The following TMEM135 variants were observed in gnomAD, a reference collection of about 807,000 sequenced individuals.
TMEM135 encodes the protein transmembrane protein 135.
Under a neutral mutation model 60.3 loss-of-function variants are expected in TMEM135, and 30 were observed. The observed-to-expected ratio is 0.50, with a 90% confidence interval of 0.37 to 0.68. The LOEUF (loss-of-function observed/expected upper bound fraction) is 0.68, where lower values mean the gene tolerates loss of function less well. TMEM135 is among the 30% of genes least tolerant of loss of function. TMEM135 has a pLI of 0.00. For missense variants in TMEM135, 468 were observed against 548.8 expected, an observed-to-expected ratio of 0.85 and a Z score of 1.47; for synonymous variants, 190 against 186.7, an observed-to-expected ratio of 1.02 and a Z score of -0.14.
At chr11:87,144,626 C>T (rs1218927812) in intron 4 of TMEM135, among the ~76,000 whole-genome samples, 1 of 151,866 alleles carries the variant, frequency 6.6e-6, no homozygotes, top group Non-Finnish European at 1.5e-5. Flanking sequence ...GAAAGTATTA[C>T]CTTTAATCTT....
intron 6 of TMEM135, among the ~76,000 whole-genome samples, chr11:87,245,061 C>G (rs145176984): frequency 0.53 from 67,388 of 127,320 alleles, 18,812 homozygotes; most frequent in African/African-American, 0.59. Flanking sequence ...TCTTTGTTCT[C>G]CTTGGTTTCA....
At chr11:87,295,882 A>G (rs1942339469) in intron 7 of TMEM135, 59 bp downstream of exon 7, 1 of 1,360,210 alleles carries the variant, frequency 7.4e-7, no homozygotes, top group Non-Finnish European at 1.0e-6. Flanking sequence ...AAAAAATTAT[A>G]CATAATTACA....
At chr11:87,170,407 C>T (rs1399734369) in intron 5 of TMEM135, among the ~76,000 whole-genome samples, 2 of 152,078 alleles carry the variant, frequency 1.3e-5, no homozygotes, top group Admixed American at 1.3e-4. Context: ...CTGGTTTTTC[C>T]TTATCTTTGT....
Position 87,195,311 on chromosome 11 carries a change from CTCTT to C in TMEM135, c.462+37908_462+37911del, listed in dbSNP as rs1220658089. ...TGAAAAAGTCATTTTCTCTTTCTTT[CTCTT>C]TCCTTCCTTCCTTCCTTCCTTCCTT... On this transcript the variant is annotated intron_variant, in intron 5 of 14. Transcript: ENST00000305494. Among the ~76,000 whole-genome samples, 1,063 of 138,000 alleles carry C rather than the reference CTCTT, an allele frequency of 7.7e-3. 63 individuals carry two copies. Among genetic ancestry groups the C allele is most frequent in the African/African-American group, 0.02 (715 of 35,324 alleles). The allele number at this position is 138,000 out of a possible 152,430, so 90.5% of individuals were successfully genotyped here. A position where few individuals can be genotyped will look rare whatever the true frequency, so the allele number is the denominator to read the frequency against.
intron 5 of TMEM135, among the ~76,000 whole-genome samples, chr11:87,198,218 T>C (rs1940003892): frequency 6.6e-6 from 1 of 152,196 alleles, no homozygotes; most frequent in African/African-American, 2.4e-5. Flanking sequence ...ATTAAAGTTT[T>C]TTAGTTCCCA....
intron 6 of TMEM135, among the ~76,000 whole-genome samples, chr11:87,280,446 T>C (rs1453479322): frequency 6.6e-6 from 1 of 152,228 alleles, no homozygotes; most frequent in East Asian, 1.9e-4. Context: ...TGTCTCTGTG[T>C]TACAGTCATA....
At chr11:87,231,698 A>G (rs1040306489) in intron 5 of TMEM135, among the ~76,000 whole-genome samples, 3 of 152,182 alleles carry the variant, frequency 2.0e-5, no homozygotes, top group Non-Finnish European at 4.4e-5. Context: ...GAGAACTTAT[A>G]AATATGTTAA....
At chr11:87,148,355 G>T (rs1044673767) in intron 4 of TMEM135, among the ~76,000 whole-genome samples, 6 of 152,196 alleles carry the variant, frequency 3.9e-5, no homozygotes, top group Admixed American at 2.0e-4. Flanking sequence ...AGGAAGCTTA[G>T]CTGAATTGGC....
intron 5 of TMEM135, among the ~76,000 whole-genome samples, chr11:87,201,911 A>G (rs1183412366): frequency 6.6e-6 from 1 of 151,882 alleles, no homozygotes; most frequent in Non-Finnish European, 1.5e-5. Context: ...TTAAACACAC[A>G]CACATACACA....
At chr11:87,292,710 A>G (rs1056403100) in intron 6 of TMEM135, among the ~76,000 whole-genome samples, 2 of 152,184 alleles carry the variant, frequency 1.3e-5, no homozygotes, top group Non-Finnish European at 2.9e-5. Context: ...TCTGACCCTC[A>G]ATTACATTAA....
chr11:87,149,581 A>G (rs1277249422), intron 4 of TMEM135, among the ~76,000 whole-genome samples: 2 of 152,148 alleles, frequency 1.3e-5, no homozygotes, highest in African/African-American at 4.8e-5. Context: ...AGTCATAGCC[A>G]TTTTCCTTCT....
chr11:87,315,786 A>G (rs1370600889), intron 12 of TMEM135, among the ~76,000 whole-genome samples: 1 of 152,100 alleles, frequency 6.6e-6, no homozygotes, highest in East Asian at 1.9e-4. Context: ...GCATCCTGCA[A>G]AGTTGACCCA....
chr11:87,322,705 C>T lies in TMEM135; in HGVS notation c.*1372C>T, dbSNP rs1208910373. The T allele has an allele frequency of 1.3e-5, 6 of 453,884 alleles. No homozygotes were observed. The allele number at this position is 453,884 out of a possible 1,614,324, so 28.1% of individuals were successfully genotyped here. On this transcript the variant is annotated 3_prime_UTR_variant, in exon 15 of 15. Coordinates refer to ENST00000305494, the MANE Select transcript of TMEM135 (RefSeq NM_022918.4). ...CATACTTTAAAAATGCTTAATCCCT[C>T]ATATTCAATTTCATCAAGCCTTGTA...
chr11:87,217,656 A>G (rs1421283715), intron 5 of TMEM135, among the ~76,000 whole-genome samples: 2 of 152,056 alleles, frequency 1.3e-5, no homozygotes, highest in African/African-American at 4.8e-5. Flanking sequence ...GTGGCGGCTC[A>G]TGCCTGTAAT....
At chr11:87,058,580 C>A (rs1438405173) in intron 1 of TMEM135, among the ~76,000 whole-genome samples, 1 of 152,046 alleles carries the variant, frequency 6.6e-6, no homozygotes, top group Non-Finnish European at 1.5e-5. Flanking sequence ...ATCCACCCGC[C>A]TTGGCCTATG....
intron 1 of TMEM135, among the ~76,000 whole-genome samples, chr11:87,041,434 G>A (rs1304605262): frequency 6.6e-6 from 1 of 152,120 alleles, no homozygotes; most frequent in East Asian, 1.9e-4. Flanking sequence ...GGGAAGACCG[G>A]ATAGAAAAGA....
At position 87,236,702 on chromosome 11, in the gene TMEM135, T is replaced by G. The variant is rs376499772; in HGVS notation, c.509+18T>G. ...TTTTTCAGGTATGTTCTGTTATACTTATTTACTTTAATACCCCAAACAGTA... is the reference window on the plus strand; with the variant it reads ...TTTTTCAGGTATGTTCTGTTATACTGATTTACTTTAATACCCCAAACAGTA... On this transcript the variant is annotated intron_variant, in intron 6 of 14. Coordinates refer to ENST00000305494, the MANE Select transcript of TMEM135 (RefSeq NM_022918.4). The G allele has an allele frequency of 1.2e-6, 2 of 1,606,922 alleles. No homozygotes were observed. Among genetic ancestry groups the G allele is most frequent in the African/African-American group, 2.7e-5 (2 of 74,696 alleles).
intron 4 of TMEM135, among the ~76,000 whole-genome samples, chr11:87,129,213 A>ATTTTTTTTTTTTTTTTT (rs71040295): frequency 4.3e-5 from 5 of 116,264 alleles, no homozygotes; most frequent in Admixed American, 1.6e-4. Context: ...TTATTCCTTA[A>ATTTTTTTTTTTTTTTTT]TTTTTTTTTT....
At chr11:87,210,294 A>T (rs1309312246) in intron 5 of TMEM135, among the ~76,000 whole-genome samples, 1 of 152,198 alleles carries the variant, frequency 6.6e-6, no homozygotes, top group Non-Finnish European at 1.5e-5. Flanking sequence ...AACAAAAAGA[A>T]GATCCAAATA....
Sources: gnomAD v4.1 joint callset for allele counts (sites outside exome capture counted in the v4.1 genomes callset) on GRCh38, gnomAD v4.1.1 for gene constraint, MANE v1.5 for transcripts, NCBI Gene and HGNC (gene_info 2026-07-23, HGNC 2026-07-21) for gene names.